Variants in ZNF638 observed in about 807,000 individuals in gnomAD.
ZNF638 encodes CTCL tumor antigen se33-1.
Under a neutral mutation model 195.6 loss-of-function variants are expected in ZNF638, and 46 were observed. The observed-to-expected ratio is 0.24, with a 90% confidence interval of 0.19 to 0.30. The LOEUF is 0.30. Ranked by LOEUF, ZNF638 falls within the 10% of genes least tolerant of loss-of-function variation. ZNF638 has a pLI of 1.00. For synonymous variants in ZNF638, 845 were observed against 772.0 expected (o/e 1.09, Z -1.57); for missense variants, 2,440 against 2,325.3 (o/e 1.05, Z -1.01).
intron 24 of ZNF638, among the ~76,000 whole-genome samples, chr2:71,428,125 G>A (rs539483422): frequency 2.6e-5 from 4 of 152,214 alleles, no homozygotes; most frequent in African/African-American, 7.2e-5. Context: ...CCAGAAGGTC[G>A]AGGTTGTGGT....
chr2:71,392,116 C>A (rs1020615796), intron 10 of ZNF638, among the ~76,000 whole-genome samples: 1 of 152,192 alleles, frequency 6.6e-6, no homozygotes, highest in African/African-American at 2.4e-5. Context: ...TAAGAATTTT[C>A]TTGAGTAGAA....
intron 1 of ZNF638, chr2:71,333,079 T>G (rs1324435642): frequency 1.3e-5 from 2 of 152,184 alleles, no homozygotes; most frequent in African/African-American, 2.4e-5. Context: ...CAAAAAAAGG[T>G]GAATTTAAGG....
intron 7 of ZNF638, 128 bp from the exon 8 acceptor site, chr2:71,369,755 C>T (rs1315270772): frequency 2.2e-6 from 2 of 897,852 alleles, no homozygotes; most frequent in African/African-American, 3.5e-5. Context: ...TAAAAACAGG[C>T]AAAAGCAACC....
chr2:71,401,156 G>T (rs559572559), intron 15 of ZNF638, among the ~76,000 whole-genome samples: 28 of 152,176 alleles, frequency 1.8e-4, no homozygotes, highest in Non-Finnish European at 3.1e-4. Flanking sequence ...TTAGTGTAAA[G>T]TCACACTAAA....
chr2:71,411,550 G>T (rs1573143848), intron 20 of ZNF638, among the ~76,000 whole-genome samples: 1 of 108,832 alleles, frequency 9.2e-6, no homozygotes, highest in African/African-American at 3.4e-5. Flanking sequence ...ATGTATACAT[G>T]TGCCATGCTG....
Position 71,406,248 on chromosome 2 carries a change from A to G in ZNF638, c.3121A>G (p.Ser1041Gly). The G allele has an allele frequency of 1.2e-6, 2 of 1,611,940 alleles. No homozygotes were observed. Among genetic ancestry groups the G allele is most frequent in the Non-Finnish European group, 1.7e-6 (2 of 1,178,078 alleles). ...FGKVDHHVFI[S>G]NRNKAILQLD... ...AAAAGTGGATCACCATGTATTCATAAGTAATAGAAACAAGGTAACAAGTTC... is the reference window on the plus strand; with the variant it reads ...AAAAGTGGATCACCATGTATTCATAGGTAATAGAAACAAGGTAACAAGTTC... The change falls in exon 19 of 28, where the codon AGT (serine) becomes GGT (glycine). Residue 1041 changes from serine to glycine, a missense_variant. Around this residue, in one of 5 missense-constraint regions of ZNF638, gnomAD observed 1,883 missense variants for 1,739.1 expected, o/e 1.08. Transcript: ENST00000264447.
chr2:71,352,905 C>T (rs1026263713), intron 2 of ZNF638, among the ~76,000 whole-genome samples: 1 of 152,098 alleles, frequency 6.6e-6, no homozygotes, highest in African/African-American at 2.4e-5. Flanking sequence ...CATTAGAGCT[C>T]ACCTAGATAG....
chr2:71,419,582 G>A (rs938960575), intron 21 of ZNF638, among the ~76,000 whole-genome samples: 7 of 152,154 alleles, frequency 4.6e-5, no homozygotes, highest in African/African-American at 1.7e-4. Context: ...GGTTTGCTCT[G>A]TGTGTCAGCA....
rs1283921092 is a variant in ZNF638 at position 71,431,379 on chromosome 2, G to A, written c.5703G>A (p.Lys1901=). The change falls in exon 26 of 28, where the codon AAG becomes AAA. Residue 1901 remains lysine (K), a synonymous_variant. Transcript: ENST00000264447. The part of the protein sequence containing the change: ...KDSEPERKRK[K]TEDSSSGKSV... ...CAGAACCAGAGCGAAAACGCAAGAA[G>A]ACTGAAGACTCTTCTTCAGGCAAAT... 1 of 1,614,034 alleles carries A rather than the reference G, an allele frequency of 6.2e-7. No individual in the cohort carries two copies. Among genetic ancestry groups the A allele is most frequent in the African/African-American group, 1.3e-5 (1 of 75,048 alleles).
At chr2:71,332,293 C>T (rs1558821213) in intron 1 of ZNF638, among the ~76,000 whole-genome samples, 1 of 152,190 alleles carries the variant, frequency 6.6e-6, no homozygotes, top group Non-Finnish European at 1.5e-5. Context: ...TGAGGGAATG[C>T]CGAGCAGGGA....
chr2:71,352,053 A>T (rs2078949143), intron 2 of ZNF638, among the ~76,000 whole-genome samples: 1 of 152,228 alleles, frequency 6.6e-6, no homozygotes, highest in African/African-American at 2.4e-5. Flanking sequence ...TTTATAGCCT[A>T]GTTAGACTAA....
At chr2:71,340,211 T>A (rs1476247892) in intron 1 of ZNF638, among the ~76,000 whole-genome samples, 1 of 152,230 alleles carries the variant, frequency 6.6e-6, no homozygotes, top group African/African-American at 2.4e-5. Flanking sequence ...TTTCTGCTTA[T>A]TTTTGCTTTC....
At chr2:71,424,848 T>C (rs1199890474) in intron 23 of ZNF638, 133 bp downstream of exon 23, 2 of 678,162 alleles carry the variant, frequency 2.9e-6, no homozygotes, top group Non-Finnish European at 2.4e-6. Flanking sequence ...ATGAGATGTT[T>C]TGTTTTTAAC....
Position 71,431,263 on chromosome 2 carries a change from A to C in ZNF638, c.5651-64A>C, listed in dbSNP as rs895824867. 7.9e-6 allele frequency: 11 copies of C among 1,387,114 alleles called. No homozygotes were observed. In the African/African-American group the frequency reaches 1.2e-4, roughly 15 times the overall value. The allele number at this position is 1,387,114 out of a possible 1,614,324, so 85.9% of individuals were successfully genotyped here. On this transcript the variant is annotated intron_variant, in intron 25 of 27. Transcript: ENST00000264447. ...AGAAAGAAAAAGGTAAGAATTATCCAATGTTAACTTTACAAAGTCTGTAAA... is the reference window on the plus strand; with the variant it reads ...AGAAAGAAAAAGGTAAGAATTATCCCATGTTAACTTTACAAAGTCTGTAAA...
At chr2:71,340,795 ATGT>A (rs1288303992) in intron 1 of ZNF638, among the ~76,000 whole-genome samples, 3 of 152,154 alleles carry the variant, frequency 2.0e-5, no homozygotes, top group Non-Finnish European at 4.4e-5. Flanking sequence ...CCAATGGGAG[ATGT>A]TGTAATCTTG....
At chr2:71,381,980 T>G (rs986990725) in intron 10 of ZNF638, among the ~76,000 whole-genome samples, 1 of 152,098 alleles carries the variant, frequency 6.6e-6, no homozygotes. Context: ...GGCTTCACTT[T>G]GGGATGATGA....
Position 71,427,309 on chromosome 2 carries a change from G to C in ZNF638, c.5440G>C (p.Val1814Leu). Residue 1814 changes from valine (V) to leucine (L), a missense_variant, in exon 24 of 28, where the codon GTG becomes CTG. Val to Leu is a conservative substitution (Grantham distance 32). Around this residue, in one of 5 missense-constraint regions of ZNF638, gnomAD observed 1,883 missense variants for 1,739.1 expected, o/e 1.08. Coordinates refer to ENST00000264447, the MANE Select transcript of ZNF638 (RefSeq NM_014497.5). The part of the protein sequence containing the change: ...DKKGNRKKRA[V>L]DTKKTKLESL... ...AAAAGGGAATAGAAAGAAGAGAGCT[G>C]TGGACACAAAAAAGACAAAACTTGA... 1 of 1,612,838 alleles carries C rather than the reference G, an allele frequency of 6.2e-7. No homozygotes were observed. Among genetic ancestry groups the C allele is most frequent in the Non-Finnish European group, 8.5e-7 (1 of 1,179,754 alleles).
At chr2:71,380,421 T>G in intron 9 of ZNF638, 92 bp from the exon 10 acceptor site, 2 of 1,229,556 alleles carry the variant, frequency 1.6e-6, no homozygotes, top group Middle Eastern at 2.5e-4. Flanking sequence ...TGAATTATTT[T>G]AAACGTTTTT....
intron 21 of ZNF638, among the ~76,000 whole-genome samples, chr2:71,419,974 C>CCCCTTTTTTTTTT (rs1189202093): frequency 1.1e-4 from 3 of 27,022 alleles, no homozygotes; most frequent in Admixed American, 7.5e-4. Context: ...CCCCCCCCGC[C>CCCCTTTTTTTTTT]TTTTTTTTTT....
Sources: allele counts gnomAD v4.1 joint callset (sites outside exome capture counted in the v4.1 genomes callset), GRCh38; gene constraint gnomAD v4.1.1; regional missense constraint gnomAD v4.1.1; transcripts MANE v1.5; gene names NCBI Gene and HGNC (gene_info 2026-07-23, HGNC 2026-07-21).